CPNE4: variants seen among roughly 807,000 people sequenced by gnomAD.
The protein encoded by CPNE4 is copine 4, also known as copine-4.
In CPNE4, 25 loss-of-function variants were observed where a neutral mutation model predicts 67.9. The ratio of observed to expected loss-of-function variants is 0.37; its 90% CI spans 0.27 to 0.51. The LOEUF (loss-of-function observed/expected upper bound fraction) is 0.51, where lower values mean the gene tolerates loss of function less well. Ranked by LOEUF, CPNE4 falls within the 20% of genes least tolerant of loss-of-function variation. CPNE4 has a pLI of 0.93. For synonymous variants in CPNE4, 242 were observed against 244.9 expected (o/e 0.99, Z 0.11); for missense variants, 464 against 690.8 (o/e 0.67, Z 3.68).
At chr3:131,821,317 T>C (rs1469836682) in intron 2 of CPNE4, among the ~76,000 whole-genome samples, 1 of 152,206 alleles carries the variant, frequency 6.6e-6, no homozygotes, top group Non-Finnish European at 1.5e-5. Context: ...ACTGGGAATT[T>C]AGAGAGAATC....
chr3:132,018,437 AG>A, intron 1 of CPNE4, among the ~76,000 whole-genome samples: 1 of 152,328 alleles, frequency 6.6e-6, no homozygotes, highest in African/African-American at 2.4e-5. Context: ...TCAGGAAAAG[AG>A]TGATTGATTG....
intron 2 of CPNE4, among the ~76,000 whole-genome samples, chr3:131,796,597 T>C (rs1365519635): frequency 6.6e-6 from 1 of 152,194 alleles, no homozygotes; most frequent in Non-Finnish European, 1.5e-5. Context: ...CTGCCACACA[T>C]CATCTGCCCC....
chr3:131,597,868 A>G (rs1056516540), intron 7 of CPNE4, among the ~76,000 whole-genome samples: 16 of 152,186 alleles, frequency 1.1e-4, no homozygotes, highest in African/African-American at 3.6e-4. Context: ...TGAGATTTTT[A>G]TCAAGGTAGC....
intron 5 of CPNE4, among the ~76,000 whole-genome samples, chr3:131,689,803 C>T (rs2080988472): frequency 1.3e-5 from 2 of 152,100 alleles, no homozygotes; most frequent in Non-Finnish European, 1.5e-5. Context: ...TAATTCTATA[C>T]CTAGAAAACC....
At chr3:131,587,678 A>G (rs1042593605) in intron 7 of CPNE4, 96 bp from the exon 8 acceptor site, 3 of 881,582 alleles carry the variant, frequency 3.4e-6, no homozygotes, top group Admixed American at 4.3e-5. Flanking sequence ...TAGATGAAAG[A>G]TGTTTGGTCT....
chr3:131,572,154 C>T (rs17357853), intron 10 of CPNE4, among the ~76,000 whole-genome samples: 1,912 of 152,142 alleles, frequency 0.013, 49 homozygotes, highest in African/African-American at 0.043. Context: ...GAAGCACCAG[C>T]ATCTATGGAA....
At chr3:131,805,999 A>C (rs1157919843) in intron 2 of CPNE4, among the ~76,000 whole-genome samples, 2 of 152,236 alleles carry the variant, frequency 1.3e-5, no homozygotes, top group Admixed American at 1.3e-4. Flanking sequence ...GGAAATCATG[A>C]AATTCCAGTC....
chr3:131,800,388 A>C (rs1032584598), intron 2 of CPNE4, among the ~76,000 whole-genome samples: 1 of 152,170 alleles, frequency 6.6e-6, no homozygotes, highest in Non-Finnish European at 1.5e-5. Flanking sequence ...ACAGCTTAGA[A>C]ACCTATATAT....
intron 2 of CPNE4, among the ~76,000 whole-genome samples, chr3:131,746,267 C>T (rs1041941370): frequency 1.3e-5 from 2 of 152,050 alleles, no homozygotes; most frequent in Admixed American, 1.3e-4. Context: ...TATCATTTCC[C>T]TGTAATTAGA....
intron 6 of CPNE4, among the ~76,000 whole-genome samples, chr3:131,678,677 G>T (rs1398151770): frequency 6.6e-6 from 1 of 152,108 alleles, no homozygotes; most frequent in Non-Finnish European, 1.5e-5. Flanking sequence ...AGCCTTTTCT[G>T]CATCTATTGA....
intron 1 of CPNE4, among the ~76,000 whole-genome samples, chr3:131,949,917 A>G (rs2107882779): frequency 6.6e-6 from 1 of 152,302 alleles, no homozygotes; most frequent in East Asian, 1.9e-4. Context: ...GTATTCATCC[A>G]TTCCCTTCAT....
chr3:131,825,508 AAC>A (rs1179480564), intron 2 of CPNE4, among the ~76,000 whole-genome samples: 3 of 143,490 alleles, frequency 2.1e-5, no homozygotes, highest in African/African-American at 8.6e-5. Context: ...AAAAAAAAAA[AAC>A]ATTGGTAACT....
At chr3:131,690,353 T>C (rs115218348) in intron 5 of CPNE4, among the ~76,000 whole-genome samples, 2,703 of 152,058 alleles carry the variant, frequency 0.018, 90 homozygotes, top group African/African-American at 0.062. Flanking sequence ...ATAAGACCAA[T>C]GGAACAGGAT....
chr3:131,672,654 T>C lies in CPNE4; in HGVS notation c.592-2890A>G, dbSNP rs943867860. Among the ~76,000 whole-genome samples the C allele has an allele frequency of 2.6e-5, 4 of 152,148 alleles. No homozygotes were observed. In the South Asian group the frequency reaches 8.3e-4, roughly 32 times the overall value. ...TCTTCTTTTGAGAAATGTTTATTCA[T>C]ATCTTTTGCCCATTTCCAAATTGAA... On this transcript the variant is annotated intron_variant, in intron 6 of 15. Coordinates refer to ENST00000429747, the MANE Select transcript of CPNE4 (RefSeq NM_130808.3).
intron 2 of CPNE4, among the ~76,000 whole-genome samples, chr3:131,900,103 T>C (rs2088494395): frequency 6.6e-6 from 1 of 151,894 alleles, no homozygotes; most frequent in South Asian, 2.1e-4. Flanking sequence ...GGGATCGGAA[T>C]TAATCACCAG....
chr3:131,628,986 G>C lies in CPNE4; in HGVS notation c.681+40689C>G, dbSNP rs542165732. ...TTGCTTCTCTAGTTCTTTTAATTGC[G>C]ATGTTAGGGTGTCAATTTTAGATCT... On this transcript the variant is annotated intron_variant, in intron 7 of 15. Transcript: ENST00000429747. Among the ~76,000 whole-genome samples, 143 of 152,124 alleles carry C rather than the reference G, an allele frequency of 9.4e-4. 1 individual carries two copies. The highest frequency in any genetic ancestry group is 1.5e-3 in the Non-Finnish European group (102 of 68,010).
intron 7 of CPNE4, among the ~76,000 whole-genome samples, chr3:131,658,188 G>T (rs752495162): frequency 6.6e-6 from 1 of 151,950 alleles, no homozygotes; most frequent in African/African-American, 2.4e-5. Flanking sequence ...GCCTTTTGCC[G>T]TGAGTCAGTT....
intron 7 of CPNE4, among the ~76,000 whole-genome samples, chr3:131,638,365 G>C (rs545415064): frequency 1.8e-4 from 28 of 152,208 alleles, no homozygotes; most frequent in African/African-American, 6.5e-4. Context: ...CTTGCAAATG[G>C]ACACCAAAAG....
At chr3:131,943,013 T>C (rs2071444987) in intron 1 of CPNE4, among the ~76,000 whole-genome samples, 1 of 152,138 alleles carries the variant, frequency 6.6e-6, no homozygotes, top group Admixed American at 6.5e-5. Flanking sequence ...AGGCTCACAA[T>C]TCCTTATCTG....
Sources: allele counts gnomAD v4.1 joint callset (sites outside exome capture counted in the v4.1 genomes callset), GRCh38; gene constraint gnomAD v4.1.1; transcripts MANE v1.5; gene names NCBI Gene and HGNC (gene_info 2026-07-23, HGNC 2026-07-21).